Variants in PDLIM1 observed in about 807,000 individuals in gnomAD.
PDLIM1 encodes the protein PDZ and LIM domain protein 1.
A neutral mutation model predicts 35.2 loss-of-function variants in PDLIM1; 25 were observed. The observed-to-expected ratio is 0.71, with a 90% CI of 0.52 to 0.99. The LOEUF is 0.99. PDLIM1 is among the 50% of genes least tolerant of loss of function. PDLIM1 has a pLI of 0.00. For synonymous variants in PDLIM1, 152 were observed against 154.0 expected (o/e 0.99, Z 0.10); for missense variants, 363 against 415.3 (o/e 0.87, Z 1.09).
intron 1 of PDLIM1, among the ~76,000 whole-genome samples, chr10:95,283,733 A>C (rs1251969458): frequency 6.6e-6 from 1 of 152,236 alleles, no homozygotes; most frequent in South Asian, 2.1e-4. Context: ...ACATGTATAC[A>C]GCACAAATGG....
chr10:95,269,550 T>G lies in PDLIM1; in HGVS notation c.249-688A>C, dbSNP rs1413461234. Among the ~76,000 whole-genome samples, 10 of 138,840 alleles carry G rather than the reference T, an allele frequency of 7.2e-5. No individual in the cohort carries two copies. In the East Asian group the frequency reaches 2.1e-3, roughly 29 times the overall value. 91.1% of individuals were successfully genotyped at this position (138,840 alleles called of 152,430 possible). A position where few individuals can be genotyped will look rare whatever the true frequency, so the allele number is the denominator to read the frequency against. ...TAGCACCACTGCACTTCAGCCTGGGTGACAGAGTGAGACTCCATCCCAAAA... is the reference window on the plus strand; with the variant it reads ...TAGCACCACTGCACTTCAGCCTGGGGGACAGAGTGAGACTCCATCCCAAAA... On this transcript the variant is annotated intron_variant, in intron 2 of 6. Coordinates refer to ENST00000329399, the MANE Select transcript of PDLIM1 (RefSeq NM_020992.4).
intron 1 of PDLIM1, among the ~76,000 whole-genome samples, chr10:95,283,962 T>C (rs2035579993): frequency 6.8e-6 from 1 of 147,532 alleles, no homozygotes; most frequent in South Asian, 2.2e-4. Context: ...CTCTTCACTC[T>C]TAGGTATGGC....
intron 4 of PDLIM1, among the ~76,000 whole-genome samples, chr10:95,260,969 C>T (rs1392139935): frequency 6.6e-6 from 1 of 152,210 alleles, no homozygotes; most frequent in African/African-American, 2.4e-5. Flanking sequence ...GCTCCTCTGC[C>T]TTAGGCTGTT....
chr10:95,287,037 C>T (rs1160508989), intron 1 of PDLIM1, among the ~76,000 whole-genome samples: 1 of 152,206 alleles, frequency 6.6e-6, no homozygotes, highest in Non-Finnish European at 1.5e-5. Context: ...GCAAGGTTGG[C>T]ATCAGGAGTT....
intron 4 of PDLIM1, among the ~76,000 whole-genome samples, chr10:95,253,239 GA>G (rs1016305908): frequency 2.0e-5 from 3 of 151,696 alleles, no homozygotes; most frequent in Non-Finnish European, 2.9e-5. Context: ...GCTGCTGAAA[GA>G]AAAAAAACTG....
chr10:95,246,205 G>A (rs1386411196), intron 5 of PDLIM1, among the ~76,000 whole-genome samples: 2 of 152,222 alleles, frequency 1.3e-5, no homozygotes, highest in East Asian at 1.9e-4. Flanking sequence ...GACTGCCCAT[G>A]AGCATCACAG....
Position 95,288,447 on chromosome 10 carries a change from T to C in PDLIM1, c.96+2373A>G, listed in dbSNP as rs534145510. Among the ~76,000 whole-genome samples the C allele has an allele frequency of 1.2e-4, 19 of 152,310 alleles. No homozygotes were observed. In the South Asian group the frequency reaches 3.9e-3, roughly 32 times the overall value. On this transcript the variant is annotated intron_variant, in intron 1 of 6. Coordinates refer to ENST00000329399, the MANE Select transcript of PDLIM1 (RefSeq NM_020992.4). ...TAGCATACCTACCAATCAGAAAGTG[T>C]GTACAGCTCTTTGTCAGTGCTCACA...
chr10:95,276,723 G>A (rs2035514408), intron 1 of PDLIM1, among the ~76,000 whole-genome samples: 1 of 152,012 alleles, frequency 6.6e-6, no homozygotes, highest in Admixed American at 6.6e-5. Context: ...TGAGGAAATG[G>A]AGGAACAGGG....
intron 3 of PDLIM1, among the ~76,000 whole-genome samples, chr10:95,264,534 C>G (rs537360636): frequency 2.0e-5 from 3 of 152,152 alleles, no homozygotes; most frequent in Non-Finnish European, 4.4e-5. Flanking sequence ...GTTAGACAAG[C>G]AAGGTAAGAG....
Position 95,271,713 on chromosome 10 carries a change from T to C in PDLIM1, c.168A>G (p.Glu56=). ...IGDVITAIDG[E]NTSNMTHLEA... ...CCAAGTGTGTCATATTGCTAGTATT[T>C]TCCCCATCAATGGCTGTGATTACAT... Residue 56 remains glutamate, a synonymous_variant, in exon 2 of 7, where the codon GAA becomes GAG. Transcript: ENST00000329399. The C allele has an allele frequency of 6.2e-7, 1 of 1,612,854 alleles. No homozygotes were observed. Among genetic ancestry groups the C allele is most frequent in the Non-Finnish European group, 8.5e-7 (1 of 1,179,492 alleles).
At chr10:95,247,390 G>C in intron 4 of PDLIM1, 24 bp from the exon 5 acceptor site, 1 of 1,601,564 alleles carries the variant, frequency 6.2e-7, no homozygotes, top group Non-Finnish European at 8.5e-7. Flanking sequence ...TTGAAAAATT[G>C]ATTAGGACAT....
At chr10:95,251,660 G>A (rs1306132940) in intron 4 of PDLIM1, among the ~76,000 whole-genome samples, 3 of 152,190 alleles carry the variant, frequency 2.0e-5, no homozygotes, top group Admixed American at 6.5e-5. Context: ...CGGGGATTAC[G>A]TGAATTATTG....
At chr10:95,263,720 AG>A in intron 4 of PDLIM1, 143 bp downstream of exon 4, 2 of 596,816 alleles carry the variant, frequency 3.4e-6, no homozygotes, top group South Asian at 2.3e-5. Context: ...GTGTAGATGA[AG>A]AAAATGAACA....
At chr10:95,268,587 G>C (rs2035434640) in intron 3 of PDLIM1, among the ~76,000 whole-genome samples, 191 bp downstream of exon 3, 1 of 152,154 alleles carries the variant, frequency 6.6e-6, no homozygotes, top group Admixed American at 6.5e-5. Context: ...CACTGCCCTG[G>C]GGTTTTCCAG....
intron 4 of PDLIM1, among the ~76,000 whole-genome samples, chr10:95,251,866 G>A (rs964081967): frequency 3.9e-5 from 6 of 152,202 alleles, no homozygotes; most frequent in Non-Finnish European, 7.3e-5. Flanking sequence ...TGAGGACCAC[G>A]ATGGTGAGCT....
In PDLIM1 at chr10:95,237,969, T is replaced by C; in HGVS notation, c.946A>G (p.Thr316Ala). The C allele has an allele frequency of 6.2e-7, 1 of 1,614,194 alleles. No homozygotes were observed. Among genetic ancestry groups the C allele is most frequent in the South Asian group, 1.1e-5 (1 of 91,070 alleles). ...ACCACTTCATAACCCTCAGGTGGTG[T>C]GACTCGCTCCCGGGCATGCTTCTCA... ...YCEKHARERVTPPEGYEVVTV... is the reference protein window; with the variant it reads ...YCEKHARERVAPPEGYEVVTV... Residue 316 changes from threonine (T) to alanine (A), a missense_variant, in exon 7 of 7, where the codon ACA becomes GCA. Thr to Ala is a moderately conservative substitution (Grantham distance 58). Transcript: ENST00000329399.
intron 5 of PDLIM1, 36 bp downstream of exon 5, chr10:95,247,179 G>C (rs764318318): frequency 1.3e-6 from 2 of 1,590,740 alleles, no homozygotes; most frequent in Admixed American, 3.4e-5. Flanking sequence ...ATCTGACCTT[G>C]AACAAGAGCC....
chr10:95,287,532 C>CTT (rs1205389252), intron 1 of PDLIM1, among the ~76,000 whole-genome samples: 5 of 152,162 alleles, frequency 3.3e-5, no homozygotes, highest in African/African-American at 1.2e-4. Context: ...TTGGCCTCAC[C>CTT]CTTTCCTGTC....
chr10:95,265,310 T>C (rs2035403524), intron 3 of PDLIM1, among the ~76,000 whole-genome samples: 1 of 152,188 alleles, frequency 6.6e-6, no homozygotes, highest in African/African-American at 2.4e-5. Context: ...GACTTCTCTT[T>C]TGGGCCGAGC....
Sources: allele counts gnomAD v4.1 joint callset (sites outside exome capture counted in the v4.1 genomes callset), GRCh38; gene constraint gnomAD v4.1.1; transcripts MANE v1.5; gene names NCBI Gene and HGNC (gene_info 2026-07-23, HGNC 2026-07-21).